The following ARHGEF10 variants were observed in gnomAD, a reference collection of about 807,000 sequenced individuals.
ARHGEF10 encodes the protein Rho guanine nucleotide exchange factor 10, also known as Rho guanine nucleotide exchange factor (GEF) 10.
In ARHGEF10, 140 loss-of-function variants were observed where a neutral mutation model predicts 147.4. That is an observed-to-expected ratio of 0.95 (90% confidence interval 0.83 to 1.09). The LOEUF is 1.09. ARHGEF10 is among the 50% of genes least tolerant of loss of function. The pLI, the probability that ARHGEF10 is intolerant of heterozygous loss-of-function variation, is 0.00. For synonymous variants in ARHGEF10, 902 were observed against 695.8 expected (o/e 1.30, Z -4.67); for missense variants, 2,222 against 1,752.7 (o/e 1.27, Z -4.78).
chr8:1,868,362 T>C (rs1248649610), intron 6 of ARHGEF10, among the ~76,000 whole-genome samples: 2 of 152,204 alleles, frequency 1.3e-5, no homozygotes, highest in African/African-American at 4.8e-5. Flanking sequence ...TCATATGTCA[T>C]AGTTTGGACG....
At chr8:1,884,955 G>A (rs908608702) in intron 10 of ARHGEF10, among the ~76,000 whole-genome samples, 3 of 152,116 alleles carry the variant, frequency 2.0e-5, no homozygotes, top group African/African-American at 7.2e-5. Context: ...TGTAGAGATG[G>A]AGTCTTGCTA....
chr8:1,920,374 G>C (rs1812189893), intron 18 of ARHGEF10, among the ~76,000 whole-genome samples: 1 of 152,108 alleles, frequency 6.6e-6, no homozygotes. Context: ...CCAGGCTGGA[G>C]TGCAGTGGCA....
At position 1,861,316 on chromosome 8, in the gene ARHGEF10, G is replaced by A. The variant is rs184088244; in HGVS notation, c.481+1132G>A. 2.8e-3 allele frequency among the ~76,000 whole-genome samples: 433 copies of A among 152,372 alleles called. 4 individuals carry two copies. The highest frequency in any genetic ancestry group is 5.2e-3 in the Non-Finnish European group (353 of 68,034). On this transcript the variant is annotated intron_variant, in intron 4 of 28. Coordinates refer to ENST00000349830, the MANE Select transcript of ARHGEF10 (RefSeq NM_014629.4). The stretch of plus-strand genomic sequence containing the variant: ...CTGCTGGAAGGACAGCGTGCAGTCC[G>A]TGGCTGCTTCGACTGCAGCCCAAGG...
At chr8:1,895,076 G>A (rs1459062922) in intron 13 of ARHGEF10, among the ~76,000 whole-genome samples, 1 of 152,220 alleles carries the variant, frequency 6.6e-6, no homozygotes, top group East Asian at 1.9e-4. Flanking sequence ...TGTAGCTTCT[G>A]TTGTGTAGAT....
chr8:1,920,596 G>C (rs1212785702), intron 18 of ARHGEF10, among the ~76,000 whole-genome samples: 1 of 151,930 alleles, frequency 6.6e-6, no homozygotes. Context: ...CCAAAGTGCT[G>C]ACATTATAGG....
intron 24 of ARHGEF10, 29 bp from the exon 25 acceptor site, chr8:1,929,257 A>G (rs887947267): frequency 9.3e-6 from 15 of 1,611,272 alleles, no homozygotes; most frequent in Admixed American, 1.7e-5. Context: ...GAGCAAATAT[A>G]TTTATTAGCT....
chr8:1,865,680 G>C (rs1030928229), intron 5 of ARHGEF10, among the ~76,000 whole-genome samples: 1 of 152,118 alleles, frequency 6.6e-6, no homozygotes, highest in Admixed American at 6.5e-5. Flanking sequence ...TTTTGCTTGA[G>C]AAGTCGTCAT....
chr8:1,946,886 C>T (rs890786020), intron 27 of ARHGEF10, among the ~76,000 whole-genome samples: 17 of 152,282 alleles, frequency 1.1e-4, no homozygotes, highest in Admixed American at 2.6e-4. Context: ...ATTCGGTGCA[C>T]GGTGGGTCCA....
At chr8:1,907,495 ATTCATCACTGATGTTTG>A (rs1563267005) in intron 17 of ARHGEF10, among the ~76,000 whole-genome samples, 1 of 152,178 alleles carries the variant, frequency 6.6e-6, no homozygotes, top group Non-Finnish European at 1.5e-5. Context: ...TCTTTTCCGC[ATTCATCACTGATGTTTG>A]TCTGACACTG....
chr8:1,926,487 G>C (rs759021132), intron 23 of ARHGEF10, 24 bp downstream of exon 23: 2 of 1,600,688 alleles, frequency 1.2e-6, no homozygotes, highest in Non-Finnish European at 8.6e-7. Flanking sequence ...ATTTGGTTTT[G>C]GTACAAGTTC....
chr8:1,845,982 C>T (rs879531782), intron 2 of ARHGEF10, among the ~76,000 whole-genome samples: 4 of 152,240 alleles, frequency 2.6e-5, no homozygotes, highest in Non-Finnish European at 5.9e-5. Context: ...GACAGGTCCA[C>T]GCCCTCTGGG....
intron 18 of ARHGEF10, among the ~76,000 whole-genome samples, chr8:1,921,170 C>T (rs1488412473): frequency 3.9e-5 from 6 of 152,136 alleles, no homozygotes; most frequent in African/African-American, 1.2e-4. Flanking sequence ...ATCAGGCTTA[C>T]CATGTTCATA....
intron 17 of ARHGEF10, among the ~76,000 whole-genome samples, chr8:1,909,080 C>G (rs1439861328): frequency 2.0e-5 from 3 of 152,226 alleles, no homozygotes; most frequent in Non-Finnish European, 4.4e-5. Context: ...CTGTGCGGCT[C>G]TTCCCTGCAC....
intron 18 of ARHGEF10, among the ~76,000 whole-genome samples, chr8:1,920,843 G>A (rs941879868): frequency 6.6e-6 from 1 of 150,624 alleles, no homozygotes; most frequent in Middle Eastern, 3.4e-3. Context: ...GGAGTGCAAT[G>A]GCATGATCTT....
At chr8:1,872,983 A>T (rs1000093154) in intron 7 of ARHGEF10, among the ~76,000 whole-genome samples, 1 of 152,218 alleles carries the variant, frequency 6.6e-6, no homozygotes, top group African/African-American at 2.4e-5. Context: ...GGGGTAATTT[A>T]TCCGGTCGCT....
intron 18 of ARHGEF10, among the ~76,000 whole-genome samples, chr8:1,909,735 C>T (rs2129184312): frequency 6.6e-6 from 1 of 152,322 alleles, no homozygotes. Context: ...TGGATTCCGT[C>T]TTCCCGGTCC....
At chr8:1,932,341 GTA>G (rs35065553) in intron 25 of ARHGEF10, among the ~76,000 whole-genome samples, 3 of 152,218 alleles carry the variant, frequency 2.0e-5, no homozygotes, top group East Asian at 3.9e-4. Flanking sequence ...TTGTGAGGGC[GTA>G]TGTGTGTGCA....
In ARHGEF10 at chr8:1,957,057, G is replaced by C. The variant is rs1243673557; in HGVS notation, c.3829G>C (p.Glu1277Gln). The C allele has an allele frequency of 6.2e-7, 1 of 1,613,860 alleles. No individual in the cohort carries two copies. The highest frequency in any genetic ancestry group is 2.2e-5 in the East Asian group (1 of 44,872). Residue 1277 changes from glutamate to glutamine, a missense_variant, in exon 29 of 29, where the codon GAG becomes CAG. Transcript: ENST00000349830. ...CTCCAGCTCTCTAGAGCACAGATCA[G>C]AGGACAGCACCATCTATGATCTCCT... ...HGSSSLEHRS[E>Q]DSTIYDLLKD...
rs533567930 is a variant in ARHGEF10 at position 1,958,558 on chromosome 8, T to C, written c.*1295T>C. On this transcript the variant is annotated 3_prime_UTR_variant, in exon 29 of 29. Transcript: ENST00000349830. Reference sequence around the variant, plus strand: ...TGTTCTAGGTTGCATATATCCCCCATGTGAAAGTGATTTCTTCCCAAGCTT... The same window carrying C: ...TGTTCTAGGTTGCATATATCCCCCACGTGAAAGTGATTTCTTCCCAAGCTT... 2 of 152,346 alleles carry C rather than the reference T, an allele frequency of 1.3e-5. No individual in the cohort carries two copies. The highest frequency in any genetic ancestry group is 1.9e-4 in the East Asian group (1 of 5,188). The allele number at this position is 152,346 out of a possible 1,614,324, so 9.4% of individuals were successfully genotyped here. A position where few individuals can be genotyped will look rare whatever the true frequency, so the allele number is the denominator to read the frequency against.
Sources: gnomAD v4.1 joint callset for allele counts (sites outside exome capture counted in the v4.1 genomes callset) on GRCh38, gnomAD v4.1.1 for gene constraint, MANE v1.5 for transcripts, NCBI Gene and HGNC (gene_info 2026-07-23, HGNC 2026-07-21) for gene names.